The following PRKD2 variants were observed in gnomAD, a reference collection of about 807,000 sequenced individuals.
PRKD2 encodes the protein serine/threonine-protein kinase D2.
A neutral mutation model predicts 86.0 loss-of-function variants in PRKD2; 22 were observed. The ratio of observed to expected loss-of-function variants is 0.26; its 90% CI spans 0.18 to 0.37. The LOEUF (loss-of-function observed/expected upper bound fraction) is 0.37, where lower values mean the gene tolerates loss of function less well. Ranked by LOEUF, PRKD2 falls within the 10% of genes least tolerant of loss-of-function variation. The pLI is 1.00. For missense variants in PRKD2, 818 were observed against 1,199.2 expected, an observed-to-expected ratio of 0.68 and a Z score of 4.70; for synonymous variants, 509 against 510.9, an observed-to-expected ratio of 1.00 and a Z score of 0.05.
At chr19:46,704,887 C>T (rs1023533011) in intron 3 of PRKD2, among the ~76,000 whole-genome samples, 1 of 151,984 alleles carries the variant, frequency 6.6e-6, no homozygotes, top group Non-Finnish European at 1.5e-5. Flanking sequence ...CCATCTGTCC[C>T]CCAGACCCTG....
At chr19:46,675,383 T>G (rs1249052685) in intron 16 of PRKD2, among the ~76,000 whole-genome samples, 1 of 151,702 alleles carries the variant, frequency 6.6e-6, no homozygotes, top group African/African-American at 2.4e-5. Flanking sequence ...CTATGTCACC[T>G]TTTTTTTTCT....
intron 16 of PRKD2, among the ~76,000 whole-genome samples, chr19:46,677,817 C>T (rs544138049): frequency 1.3e-5 from 2 of 152,274 alleles, no homozygotes; most frequent in African/African-American, 2.4e-5. Flanking sequence ...TGGACCTCTT[C>T]GGAAACCCTC....
In PRKD2 at chr19:46,716,018, C is replaced by A; in HGVS notation, c.240+113G>T. 1 of 1,454,902 alleles carries A rather than the reference C, an allele frequency of 6.9e-7. No homozygotes were observed. Among genetic ancestry groups the A allele is most frequent in the Non-Finnish European group, 9.1e-7 (1 of 1,098,176 alleles). The allele number at this position is 1,454,902 out of a possible 1,614,324, so 90.1% of individuals were successfully genotyped here. A position where few individuals can be genotyped will look rare whatever the true frequency, so the allele number is the denominator to read the frequency against. ...CAATGCCCCCTATCCCTCCATCACCCAAAGCTCAGGTCTCCTTCCTCCCTC... is the reference window on the plus strand; with the variant it reads ...CAATGCCCCCTATCCCTCCATCACCAAAAGCTCAGGTCTCCTTCCTCCCTC... On this transcript the variant is annotated intron_variant, in intron 1 of 17. Coordinates refer to ENST00000291281, the MANE Select transcript of PRKD2 (RefSeq NM_016457.5). The surrounding 1 kb of genome is among the most constrained non-coding windows in gnomAD (Gnocchi z 7.9).
At chr19:46,697,290 A>T in intron 8 of PRKD2, 56 bp from the exon 9 acceptor site, 2 of 1,366,690 alleles carry the variant, frequency 1.5e-6, no homozygotes. Flanking sequence ...CCCAGTCCCT[A>T]TCCCGTGGAG....
At chr19:46,690,792 C>G (rs142916813) in intron 12 of PRKD2, 86 bp from the exon 13 acceptor site, 4 of 1,230,980 alleles carry the variant, frequency 3.2e-6, no homozygotes, top group South Asian at 1.3e-5. Context: ...CCAACCTCTG[C>G]CCCCCACCAT....
rs1169719237 is a variant in PRKD2, at chr19:46,674,673, C to A, written c.2487G>T (p.Thr829=). ...CCCAGCGCGCGTCGTCACTCTCATG[C>A]GTGATGTATCGCTCTCCCATCTTCC... ...LEGKMGERYI[T]HESDDARWEQ... is the part of the protein sequence containing the mutation. The change falls in exon 18 of 18, where the codon ACG becomes ACT. Residue 829 remains threonine (T), a synonymous_variant. Coordinates refer to ENST00000291281, the MANE Select transcript of PRKD2 (RefSeq NM_016457.5). 9 of 1,606,218 alleles carry A rather than the reference C, an allele frequency of 5.6e-6. No individual in the cohort carries two copies. Among genetic ancestry groups the A allele is most frequent in the Admixed American group, 1.7e-5 (1 of 59,960 alleles).
intron 9 of PRKD2, among the ~76,000 whole-genome samples, chr19:46,696,279 T>C (rs2053556074): frequency 6.6e-6 from 1 of 151,928 alleles, no homozygotes; most frequent in African/African-American, 2.4e-5. Flanking sequence ...TGGGAGCCAC[T>C]GGGGGGTTTG....
rs1436110459 is a variant in PRKD2 at position 46,701,031 on chromosome 19, T to G, written c.967+4A>C. 1 of 1,614,154 alleles carries G rather than the reference T, an allele frequency of 6.2e-7. No homozygotes were observed. The highest frequency in any genetic ancestry group is 1.7e-5 in the Admixed American group (1 of 60,018). On this transcript the variant is annotated splice_donor_region_variant and intron_variant, in intron 6 of 17. Coordinates refer to ENST00000291281, the MANE Select transcript of PRKD2 (RefSeq NM_016457.5). The stretch of plus-strand genomic sequence containing the variant: ...TTCTCCCCAGCATCCCCCCAGCCTC[T>G]CACCTCCATTGATAAGGGCCTCCCC...
At position 46,714,488 on chromosome 19, in the gene PRKD2, G is replaced by GC. The variant is rs1191022963; in HGVS notation, c.241-488dup. ...GGCTCCTGGGAAAGTGGGGGGGGGG[G>GC]CCGGGGGACTTGGACTCGAGGGCGC... On this transcript the variant is annotated intron_variant, in intron 1 of 17. Transcript: ENST00000291281. 4.2e-5 allele frequency: 5 copies of GC among 120,128 alleles called. No individual in the cohort carries two copies. The South Asian group carries it at 1.5e-3, about 35-fold the overall frequency. 7.4% of individuals were successfully genotyped at this position (120,128 alleles called of 1,614,324 possible). A position where few individuals can be genotyped will look rare whatever the true frequency, so the allele number is the denominator to read the frequency against.
Position 46,694,218 on chromosome 19 carries a change from A to G in PRKD2, c.1318-85T>C, listed in dbSNP as rs1216026273. Reference sequence around the variant, plus strand: ...TTACCCAGAAGGATACACGGGATCCATGTTGATAGGGATGGGCCTGGTTTG... The same window carrying G: ...TTACCCAGAAGGATACACGGGATCCGTGTTGATAGGGATGGGCCTGGTTTG... On this transcript the variant is annotated intron_variant, in intron 9 of 17. Transcript: ENST00000291281. 5 of 1,533,356 alleles carry G rather than the reference A, an allele frequency of 3.3e-6. No individual in the cohort carries two copies. The Admixed American group carries it at 5.6e-5, about 17-fold the overall frequency. The allele number at this position is 1,533,356 out of a possible 1,614,324, so 95.0% of individuals were successfully genotyped here.
intron 2 of PRKD2, among the ~76,000 whole-genome samples, chr19:46,711,467 C>A (rs1044503720): frequency 6.1e-5 from 9 of 147,676 alleles, no homozygotes; most frequent in African/African-American, 2.0e-4. Flanking sequence ...GATCTCGGCT[C>A]ACCACAAGTC....
chr19:46,692,255 T>C (rs541382895), intron 10 of PRKD2, among the ~76,000 whole-genome samples: 61 of 152,088 alleles, frequency 4.0e-4, no homozygotes, highest in Non-Finnish European at 7.2e-4. Flanking sequence ...TACAGATGAT[T>C]TTGCTGAGCA....
intron 13 of PRKD2, 73 bp from the exon 14 acceptor site, chr19:46,689,771 CAGG>C (rs1462456257): frequency 1.3e-6 from 2 of 1,546,592 alleles, no homozygotes; most frequent in Non-Finnish European, 1.8e-6. Flanking sequence ...GGTATAGGAG[CAGG>C]AGGATGACAA....
intron 9 of PRKD2, among the ~76,000 whole-genome samples, chr19:46,695,408 C>T (rs144930864): frequency 2.0e-5 from 3 of 152,252 alleles, no homozygotes; most frequent in African/African-American, 4.8e-5. Context: ...ACTTGAACCC[C>T]GGAGGCGGAG....
chr19:46,701,644 G>A (rs1425934213), intron 5 of PRKD2, among the ~76,000 whole-genome samples: 2 of 148,502 alleles, frequency 1.3e-5, no homozygotes, highest in Non-Finnish European at 3.0e-5. Flanking sequence ...GTGAGCCACC[G>A]CGCCCGACTT....
rs570283154 is a variant in PRKD2, at chr19:46,681,147, G to C, written c.2070+503C>G. ...TTTTTTTTGTATTTTTAGTAGAGAA[G>C]GGGTTTCACCGTGTTAGCCAGGATG... is the stretch of plus-strand genomic sequence containing the variant. On this transcript the variant is annotated intron_variant, in intron 15 of 17. Transcript: ENST00000291281. Among the ~76,000 whole-genome samples the C allele has an allele frequency of 2.7e-5, 4 of 150,206 alleles. 1 individual carries two copies. Among genetic ancestry groups the C allele is most frequent in the African/African-American group, 9.8e-5 (4 of 40,968 alleles).
At chr19:46,690,771 C>G in intron 12 of PRKD2, 65 bp from the exon 13 acceptor site, 1 of 1,420,540 alleles carries the variant, frequency 7.0e-7, no homozygotes, top group Non-Finnish European at 9.9e-7. Flanking sequence ...GCAGGAGTAT[C>G]TCCACCTCTG....
chr19:46,684,271 T>C (rs1298057202), intron 14 of PRKD2, among the ~76,000 whole-genome samples: 1 of 152,014 alleles, frequency 6.6e-6, no homozygotes, highest in Non-Finnish European at 1.5e-5. Flanking sequence ...AACCTCCTCA[T>C]TCTACAGACT....
intron 15 of PRKD2, among the ~76,000 whole-genome samples, chr19:46,681,403 C>T (rs1021189171): frequency 4.6e-5 from 7 of 151,984 alleles, no homozygotes; most frequent in African/African-American, 7.2e-5. Flanking sequence ...TATAGGCGCA[C>T]GCCACCATTC....
Sources: allele counts gnomAD v4.1 joint callset (sites outside exome capture counted in the v4.1 genomes callset), GRCh38; gene constraint gnomAD v4.1.1; non-coding constraint Gnocchi (gnomAD v3.1); transcripts MANE v1.5; gene names NCBI Gene and HGNC (gene_info 2026-07-23, HGNC 2026-07-21).